WWOX: variants seen among roughly 807,000 people sequenced by gnomAD.
WWOX encodes the protein WW domain-containing oxidoreductase.
Under a neutral mutation model 46.2 loss-of-function variants are expected in WWOX, and 69 were observed. The ratio of observed to expected loss-of-function variants is 1.49; its 90% confidence interval spans 1.23 to 1.82. The LOEUF is 1.82. Ranked by LOEUF, WWOX falls within the 40% of genes most tolerant of loss-of-function variation. The pLI is 0.00. For missense variants in WWOX, 919 were observed against 542.6 expected (o/e 1.69, Z -6.89); for synonymous variants, 359 against 202.6 (o/e 1.77, Z -6.56).
chr16:78,629,234 A>ATTTTTT (rs113735206), intron 8 of WWOX, among the ~76,000 whole-genome samples: 2 of 148,486 alleles, frequency 1.3e-5, no homozygotes. Context: ...TCTCTTGGGT[A>ATTTTTT]TTTTATTTTT....
At chr16:78,942,269 G>T (rs913939590) in intron 8 of WWOX, among the ~76,000 whole-genome samples, 2 of 152,050 alleles carry the variant, frequency 1.3e-5, no homozygotes, top group Non-Finnish European at 2.9e-5. Context: ...GTTGTTCCTC[G>T]TGCTGCCAAG....
At chr16:79,044,095 A>C (rs913674210) in intron 8 of WWOX, among the ~76,000 whole-genome samples, 1 of 152,184 alleles carries the variant, frequency 6.6e-6, no homozygotes, top group African/African-American at 2.4e-5. Flanking sequence ...CGCAGCTCCC[A>C]AAGGGAGACT....
chr16:78,485,835 C>T (rs2084622399), intron 8 of WWOX, among the ~76,000 whole-genome samples: 1 of 152,184 alleles, frequency 6.6e-6, no homozygotes, highest in Non-Finnish European at 1.5e-5. Context: ...CTCCTGGATG[C>T]ACTTATTTTG....
rs148675662 is a variant in WWOX at position 78,176,480 on chromosome 16, G to A, written c.516+12191G>A. On this transcript the variant is annotated intron_variant, in intron 5 of 8. Coordinates refer to ENST00000566780, the MANE Select transcript of WWOX (RefSeq NM_016373.4). ...CAGGGGAACCATGCACTTATTTACCGGCAATTCTCAGATTCTAATTGTTCC... is the reference window on the plus strand; with the variant it reads ...CAGGGGAACCATGCACTTATTTACCAGCAATTCTCAGATTCTAATTGTTCC... Among the ~76,000 whole-genome samples the A allele has an allele frequency of 1.7e-4, 26 of 152,260 alleles. No individual in the cohort carries two copies. The East Asian group carries it at 3.7e-3, about 22-fold the overall frequency.
intron 8 of WWOX, chr16:79,101,719 CTCTT>C (rs1389217233): frequency 7.4e-5 from 11 of 149,018 alleles, no homozygotes; most frequent in Non-Finnish European, 1.2e-4. Flanking sequence ...CATCCTCTCT[CTCTT>C]TCTCTGTATT....
At chr16:78,469,069 G>C (rs1042943930) in intron 8 of WWOX, among the ~76,000 whole-genome samples, 7 of 152,140 alleles carry the variant, frequency 4.6e-5, no homozygotes, top group Non-Finnish European at 7.4e-5. Context: ...GTTCAGTTTT[G>C]CTGGCCTTAC....
At chr16:78,164,379 T>C (rs1272739109) in intron 5 of WWOX, 90 bp downstream of exon 5, 1 of 1,150,538 alleles carries the variant, frequency 8.7e-7, no homozygotes, top group Non-Finnish European at 1.3e-6. Context: ...GTGTAAAGTT[T>C]ATTGCTCTTG....
At chr16:78,806,150 A>C (rs775336525) in intron 8 of WWOX, among the ~76,000 whole-genome samples, 1 of 152,134 alleles carries the variant, frequency 6.6e-6, no homozygotes, top group South Asian at 2.1e-4. Context: ...CAAATGTTTC[A>C]CTTAATTCCC....
chr16:78,489,000 C>T (rs1009406963), intron 8 of WWOX, among the ~76,000 whole-genome samples: 30 of 152,192 alleles, frequency 2.0e-4, no homozygotes, highest in African/African-American at 7.0e-4. Flanking sequence ...TTCGCAGTCT[C>T]TGCAGAGTGT....
intron 8 of WWOX, among the ~76,000 whole-genome samples, chr16:78,838,277 G>C (rs1292418074): frequency 6.6e-6 from 1 of 152,132 alleles, no homozygotes; most frequent in Non-Finnish European, 1.5e-5. Context: ...AAAAAAGACA[G>C]GGTAGTTGGG....
chr16:78,142,595 A>G (rs1354195795), intron 4 of WWOX, among the ~76,000 whole-genome samples: 5 of 152,234 alleles, frequency 3.3e-5, no homozygotes. Context: ...TTTAGGAAGA[A>G]CTTTGTGTGA....
At chr16:79,114,070 C>G (rs1020288032) in intron 8 of WWOX, among the ~76,000 whole-genome samples, 4 of 152,258 alleles carry the variant, frequency 2.6e-5, no homozygotes, top group South Asian at 4.1e-4. Flanking sequence ...GGAAGGAAGG[C>G]TGGAAGAAGT....
Position 79,211,657 on chromosome 16 carries a change from AG to A in WWOX, c.1109del (p.Gly370ValfsTer35), listed in dbSNP as rs752706390. The A allele has an allele frequency of 1.9e-6, 3 of 1,614,158 alleles. No homozygotes were observed. The highest frequency in any genetic ancestry group is 2.2e-5 in the East Asian group (1 of 44,864). ...TVYCAAVPEL[E>X]GLGGMYFNNC... The stretch of plus-strand genomic sequence containing the variant: ...TACTGTGCTGCTGTCCCAGAACTGG[AG>A]GGTCTGGGAGGGATGTACTTCAACA... On this transcript the variant is annotated frameshift_variant, in exon 9 of 9. Transcript: ENST00000566780. LOFTEE classifies it high-confidence loss of function.
chr16:78,749,309 G>T (rs1381620399), intron 8 of WWOX, among the ~76,000 whole-genome samples: 3 of 152,006 alleles, frequency 2.0e-5, no homozygotes, highest in Non-Finnish European at 4.4e-5. Context: ...CCTACAGAGA[G>T]GAAAGGGGAA....
intron 8 of WWOX, among the ~76,000 whole-genome samples, chr16:78,563,516 C>G (rs2044489650): frequency 3.0e-5 from 3 of 100,898 alleles, no homozygotes; most frequent in African/African-American, 1.7e-4. Context: ...CACACACACA[C>G]GCTTTTTTTT....
chr16:78,458,398 C>G (rs993128932), intron 8 of WWOX, among the ~76,000 whole-genome samples: 1 of 151,702 alleles, frequency 6.6e-6, no homozygotes, highest in African/African-American at 2.4e-5. Context: ...GTAGCTGGGA[C>G]TATTGGCAAT....
At chr16:78,475,933 C>T (rs1267841118) in intron 8 of WWOX, among the ~76,000 whole-genome samples, 1 of 152,136 alleles carries the variant, frequency 6.6e-6, no homozygotes. Flanking sequence ...GAATGTGTCT[C>T]TTATTAATTT....
intron 8 of WWOX, chr16:78,756,986 A>G (rs186604258): frequency 8.5e-6 from 6 of 702,962 alleles, no homozygotes; most frequent in East Asian, 8.0e-5. Context: ...ATACCCGTGT[A>G]GAAGAACTGA....
At chr16:78,148,897 CAAAAAAAA>C (rs34225165) in intron 4 of WWOX, among the ~76,000 whole-genome samples, 1 of 53,228 alleles carries the variant, frequency 1.9e-5, no homozygotes, top group Non-Finnish European at 3.2e-5. Context: ...GACTCCGTCT[CAAAAAAAA>C]AAAAAAAAAA....
Sources: gnomAD v4.1 joint callset for allele counts (sites outside exome capture counted in the v4.1 genomes callset) on GRCh38, gnomAD v4.1.1 for gene constraint, MANE v1.5 for transcripts, NCBI Gene and HGNC (gene_info 2026-07-23, HGNC 2026-07-21) for gene names.